Variants in CSMD1 observed in about 807,000 individuals in gnomAD.
CSMD1 encodes the protein CUB and sushi domain-containing protein 1.
CSMD1 carries 213 observed loss-of-function variants against 417.5 expected under a neutral mutation model. That is an observed-to-expected ratio of 0.51 (90% CI 0.46 to 0.57). CSMD1 has a LOEUF of 0.57. CSMD1 is among the 20% of genes least tolerant of loss of function. The pLI, the probability that CSMD1 is intolerant of heterozygous loss-of-function variation, is 0.00. For synonymous variants in CSMD1, 2,862 were observed against 1,736.8 expected (o/e 1.65, Z -16.11); for missense variants, 6,923 against 4,529.7 (o/e 1.53, Z -15.17).
At chr8:3,277,509 GATTC>G (rs1802390781) in intron 26 of CSMD1, among the ~76,000 whole-genome samples, 1 of 151,966 alleles carries the variant, frequency 6.6e-6, no homozygotes, top group African/African-American at 2.4e-5. Flanking sequence ...TGCATTGTTG[GATTC>G]TCTGTGTGGT....
intron 11 of CSMD1, among the ~76,000 whole-genome samples, chr8:3,489,713 A>G (rs536509091): frequency 6.6e-6 from 1 of 152,322 alleles, no homozygotes; most frequent in Non-Finnish European, 1.5e-5. Flanking sequence ...TAACAAAATG[A>G]GAAGTCATTG....
intron 38 of CSMD1, among the ~76,000 whole-genome samples, chr8:3,160,918 C>G (rs1382638398): frequency 1.3e-5 from 2 of 152,172 alleles, no homozygotes; most frequent in Non-Finnish European, 2.9e-5. Flanking sequence ...AATATTTACC[C>G]CAATGTACAT....
chr8:3,464,127 A>C (rs1816669695), intron 12 of CSMD1, among the ~76,000 whole-genome samples: 1 of 152,192 alleles, frequency 6.6e-6, no homozygotes, highest in East Asian at 1.9e-4. Flanking sequence ...CCCTGCTGGA[A>C]TGTAAATAGC....
In CSMD1 at chr8:3,997,824, G is replaced by T. The variant is rs950313809; in HGVS notation, c.818+79C>A. 10 of 1,300,368 alleles carry T rather than the reference G, an allele frequency of 7.7e-6. No individual in the cohort carries two copies. The East Asian group carries it at 2.0e-4, about 26-fold the overall frequency. The allele number at this position is 1,300,368 out of a possible 1,614,324, so 80.6% of individuals were successfully genotyped here. On this transcript the variant is annotated intron_variant, in intron 5 of 69. Coordinates refer to ENST00000635120, the MANE Select transcript of CSMD1 (RefSeq NM_033225.6). ...CTTGCCCATGAACGTCCAGAGACAA[G>T]CAATTCTTGAAGCTCGTTGGGGGAA...
intron 25 of CSMD1, among the ~76,000 whole-genome samples, chr8:3,290,845 G>T (rs145963822): frequency 0.022 from 3,305 of 148,476 alleles, 148 homozygotes; most frequent in African/African-American, 0.079. Flanking sequence ...TGCCCTGGCC[G>T]GAACTTCCAA....
chr8:4,925,175 G>A (rs555200099), intron 1 of CSMD1, among the ~76,000 whole-genome samples: 54 of 140,066 alleles, frequency 3.9e-4, no homozygotes, highest in African/African-American at 1.4e-3. Flanking sequence ...CATCACTATG[G>A]TTAATCAGAG....
chr8:4,615,864 C>A (rs1801444682), intron 2 of CSMD1, among the ~76,000 whole-genome samples: 1 of 152,078 alleles, frequency 6.6e-6, no homozygotes, highest in African/African-American at 2.4e-5. Flanking sequence ...CTTTCAAAAG[C>A]ATTCTTTTTT....
chr8:3,815,700 T>G (rs1024132706), intron 5 of CSMD1, among the ~76,000 whole-genome samples: 1 of 152,042 alleles, frequency 6.6e-6, no homozygotes, highest in Non-Finnish European at 1.5e-5. Context: ...GGTGACTTTT[T>G]CATACTCTGA....
intron 3 of CSMD1, among the ~76,000 whole-genome samples, chr8:4,051,421 C>T (rs1253228993): frequency 6.6e-6 from 1 of 152,014 alleles, no homozygotes; most frequent in African/African-American, 2.4e-5. Context: ...TTAAATCAGA[C>T]CGCAAGGTTG....
chr8:3,032,677 C>T (rs1810420914), intron 50 of CSMD1, among the ~76,000 whole-genome samples: 2 of 152,000 alleles, frequency 1.3e-5, no homozygotes, highest in African/African-American at 2.4e-5. Flanking sequence ...AAAACAGTGT[C>T]TTCCTGCAGT....
At chr8:4,342,853 A>G (rs1246476569) in intron 3 of CSMD1, among the ~76,000 whole-genome samples, 1 of 152,046 alleles carries the variant, frequency 6.6e-6, no homozygotes, top group Non-Finnish European at 1.5e-5. Context: ...GTCACCCTAG[A>G]TACACCAAAG....
chr8:4,302,424 C>T (rs912470507), intron 3 of CSMD1, among the ~76,000 whole-genome samples: 1 of 152,128 alleles, frequency 6.6e-6, no homozygotes, highest in African/African-American at 2.4e-5. Flanking sequence ...TTACTTTCAT[C>T]CCATAGTGAA....
chr8:3,475,824 C>T (rs1031999394), intron 11 of CSMD1, among the ~76,000 whole-genome samples: 13 of 152,196 alleles, frequency 8.5e-5, no homozygotes, highest in African/African-American at 3.1e-4. Context: ...AACTAGGGCA[C>T]TTTGTGAGTA....
intron 1 of CSMD1, among the ~76,000 whole-genome samples, chr8:4,956,409 ATAT>A (rs1326142013): frequency 6.7e-6 from 1 of 149,680 alleles, no homozygotes; most frequent in East Asian, 1.9e-4. Flanking sequence ...CATTTTCAAG[ATAT>A]TATAAAATTC....
intron 6 of CSMD1, among the ~76,000 whole-genome samples, chr8:3,723,775 C>T (rs981638460): frequency 2.0e-5 from 3 of 152,100 alleles, no homozygotes; most frequent in African/African-American, 7.2e-5. Context: ...GAAAGAGATG[C>T]ATAAAGTGAA....
intron 26 of CSMD1, among the ~76,000 whole-genome samples, chr8:3,236,882 C>A (rs980983660): frequency 5.3e-5 from 8 of 152,094 alleles, no homozygotes; most frequent in Admixed American, 1.3e-4. Context: ...TTATGAGTGC[C>A]CTGTTTTCCA....
At chr8:4,893,846 G>A (rs191800674) in intron 1 of CSMD1, among the ~76,000 whole-genome samples, 2 of 152,198 alleles carry the variant, frequency 1.3e-5, no homozygotes, top group East Asian at 3.9e-4. Context: ...GTAGCATACA[G>A]TTGTTCTTAC....
chr8:3,014,698 A>T (rs569082062), intron 52 of CSMD1, among the ~76,000 whole-genome samples: 1 of 152,286 alleles, frequency 6.6e-6, no homozygotes, highest in East Asian at 1.9e-4. Context: ...GGATTGCTTG[A>T]GCCCAGGAGT....
intron 41 of CSMD1, among the ~76,000 whole-genome samples, chr8:3,125,355 T>A (rs951811131): frequency 8.5e-5 from 13 of 152,210 alleles, no homozygotes; most frequent in African/African-American, 2.2e-4. Flanking sequence ...CAATCTGCTG[T>A]CAGAACCCTC....
Sources: allele counts gnomAD v4.1 joint callset (sites outside exome capture counted in the v4.1 genomes callset), GRCh38; gene constraint gnomAD v4.1.1; transcripts MANE v1.5; gene names NCBI Gene and HGNC (gene_info 2026-07-23, HGNC 2026-07-21).